The following FRAS1 variants were observed in gnomAD, a reference collection of about 807,000 sequenced individuals.
FRAS1 encodes the protein extracellular matrix organizing protein FRAS1.
A neutral mutation model predicts 435.2 loss-of-function variants in FRAS1; 290 were observed. That is an observed-to-expected ratio of 0.67 (90% CI 0.61 to 0.73). The LOEUF is 0.73. FRAS1 is among the 30% of genes least tolerant of loss of function. The probability of loss-of-function intolerance (pLI) is 0.00; values close to 1 mark genes in which losing one functional copy is unlikely to be tolerated. For missense variants in FRAS1, 4,860 were observed against 5,001.5 expected (o/e 0.97, Z 0.85); for synonymous variants, 1,800 against 1,851.0 (o/e 0.97, Z 0.71).
intron 67 of FRAS1, among the ~76,000 whole-genome samples, chr4:78,521,026 T>C (rs1007720473): frequency 4.6e-5 from 7 of 152,212 alleles, no homozygotes; most frequent in Non-Finnish European, 1.0e-4. Flanking sequence ...ATTTCCTTTA[T>C]TAAAGCCACA....
chr4:78,220,576 C>T (rs546208432), intron 2 of FRAS1, among the ~76,000 whole-genome samples: 5 of 152,228 alleles, frequency 3.3e-5, no homozygotes, highest in South Asian at 2.1e-4. Context: ...CCTGTAGTGG[C>T]GATTTTTCTG....
At chr4:78,285,531 A>C (rs1292877801) in intron 13 of FRAS1, among the ~76,000 whole-genome samples, 1 of 151,036 alleles carries the variant, frequency 6.6e-6, no homozygotes, top group Middle Eastern at 3.2e-3. Context: ...TCCCGGGTTC[A>C]AGCGATTCTC....
rs1725729514 is a variant in FRAS1, at chr4:78,255,101, C to A, written c.470-141C>A. 4 of 782,822 alleles carry A rather than the reference C, an allele frequency of 5.1e-6. No homozygotes were observed. The South Asian group carries it at 5.9e-5, about 12-fold the overall frequency. The allele number at this position is 782,822 out of a possible 1,614,324, so 48.5% of individuals were successfully genotyped here. A position where few individuals can be genotyped will look rare whatever the true frequency, so the allele number is the denominator to read the frequency against. On this transcript the variant is annotated intron_variant, in intron 5 of 73. Transcript: ENST00000512123. ...TTCAGAGATTTCAAGGTAGTGACTG[C>A]AGAGCATTGAACACCAAATGCAGGA... is the stretch of plus-strand genomic sequence containing the variant.
chr4:78,189,382 A>G (rs1722427672), intron 2 of FRAS1, among the ~76,000 whole-genome samples: 1 of 152,194 alleles, frequency 6.6e-6, no homozygotes, highest in Non-Finnish European at 1.5e-5. Flanking sequence ...ATATTCCTAT[A>G]ATGAGCTTTC....
intron 70 of FRAS1, among the ~76,000 whole-genome samples, chr4:78,533,480 G>T (rs1721786075): frequency 6.6e-6 from 1 of 152,246 alleles, no homozygotes; most frequent in Non-Finnish European, 1.5e-5. Context: ...AGAGGCCAGA[G>T]CTTTACCGGT....
At chr4:78,251,722 A>G (rs1385568576) in intron 4 of FRAS1, among the ~76,000 whole-genome samples, 1 of 152,250 alleles carries the variant, frequency 6.6e-6, no homozygotes, top group Non-Finnish European at 1.5e-5. Context: ...ATAGATCAAG[A>G]AACTGAGAGT....
At chr4:78,212,122 T>G (rs1434648200) in intron 2 of FRAS1, among the ~76,000 whole-genome samples, 1 of 152,224 alleles carries the variant, frequency 6.6e-6, no homozygotes, top group African/African-American at 2.4e-5. Context: ...CTTGGGTTGT[T>G]TCCACATTTT....
At chr4:78,186,415 A>G (rs988806338) in intron 2 of FRAS1, among the ~76,000 whole-genome samples, 12 of 152,188 alleles carry the variant, frequency 7.9e-5, no homozygotes, top group African/African-American at 2.4e-4. Flanking sequence ...TTTATCATAA[A>G]GCCTGTCACT....
At chr4:78,316,639 C>T (rs1056815037) in intron 16 of FRAS1, among the ~76,000 whole-genome samples, 7 of 152,044 alleles carry the variant, frequency 4.6e-5, no homozygotes, top group African/African-American at 1.4e-4. Flanking sequence ...AGTACCTGTC[C>T]CTTAGAGTCA....
At chr4:78,287,080 C>T (rs1232046817) in intron 14 of FRAS1, among the ~76,000 whole-genome samples, 4 of 151,906 alleles carry the variant, frequency 2.6e-5, no homozygotes, top group Non-Finnish European at 5.9e-5. Context: ...GCTGGAGAGG[C>T]CTCAGGAAAC....
At chr4:78,317,197 C>T (rs368868484) in intron 16 of FRAS1, among the ~76,000 whole-genome samples, 171 bp from the exon 17 acceptor site, 4 of 152,302 alleles carry the variant, frequency 2.6e-5, no homozygotes, top group South Asian at 2.1e-4. Flanking sequence ...GGTGGGTAAA[C>T]GGCCATGTGG....
intron 2 of FRAS1, among the ~76,000 whole-genome samples, chr4:78,223,085 T>C (rs906426480): frequency 2.0e-5 from 3 of 152,190 alleles, no homozygotes; most frequent in Non-Finnish European, 4.4e-5. Context: ...ATTTTTGTGT[T>C]GTTAGAGAAT....
chr4:78,363,205 T>A (rs1471310118), intron 20 of FRAS1, among the ~76,000 whole-genome samples: 1 of 152,140 alleles, frequency 6.6e-6, no homozygotes, highest in East Asian at 1.9e-4. Flanking sequence ...CTTCTGTTAG[T>A]CAGGAAGTTC....
At chr4:78,093,976 C>T (rs372107741) in intron 2 of FRAS1, among the ~76,000 whole-genome samples, 34 of 152,226 alleles carry the variant, frequency 2.2e-4, no homozygotes, top group African/African-American at 7.9e-4. Context: ...CCCCCCTCCC[C>T]TTCCCACTTC....
chr4:78,514,896 A>G (rs1442827293), intron 65 of FRAS1, among the ~76,000 whole-genome samples: 2 of 151,836 alleles, frequency 1.3e-5, no homozygotes, highest in African/African-American at 4.8e-5. Context: ...GTGAAACCCC[A>G]TCTCTACTAA....
At chr4:78,100,779 C>T (rs1742085843) in intron 2 of FRAS1, among the ~76,000 whole-genome samples, 1 of 152,098 alleles carries the variant, frequency 6.6e-6, no homozygotes, top group African/African-American at 2.4e-5. Flanking sequence ...ATATATATAG[C>T]TTACAAACAT....
chr4:78,298,970 A>G (rs1188375077), intron 14 of FRAS1, among the ~76,000 whole-genome samples: 1 of 152,226 alleles, frequency 6.6e-6, no homozygotes, highest in Non-Finnish European at 1.5e-5. Flanking sequence ...CTGCAGGAAC[A>G]TAGAGAAAGG....
Position 78,252,438 on chromosome 4 carries a change from A to G in FRAS1, c.356A>G (p.Asn119Ser), listed in dbSNP as rs1435806861. The change falls in exon 5 of 74, where the codon AAT becomes AGT. Residue 119 changes from asparagine (N) to serine (S), a missense_variant. Physicochemically the swap from Asn to Ser is conservative, Grantham distance 46. Transcript: ENST00000512123. ...ASSPCSVCSC[N>S]HGEVRCTPQP... ...TCTCCATGTAGTGTGTGCTCTTGCA[A>G]TCATGGGGAAGTCCGATGTACCCCC... The G allele has an allele frequency of 6.2e-7, 1 of 1,613,698 alleles. No individual in the cohort carries two copies. The highest frequency in any genetic ancestry group is 1.7e-5 in the Admixed American group (1 of 59,994).
chr4:78,185,961 C>T (rs17003032), intron 2 of FRAS1, among the ~76,000 whole-genome samples: 1,680 of 152,270 alleles, frequency 0.011, 35 homozygotes, highest in African/African-American at 0.038. Context: ...TGCTGAGTCT[C>T]GTTGCTTTCT....
Sources: allele counts gnomAD v4.1 joint callset (sites outside exome capture counted in the v4.1 genomes callset), GRCh38; gene constraint gnomAD v4.1.1; transcripts MANE v1.5; gene names NCBI Gene and HGNC (gene_info 2026-07-23, HGNC 2026-07-21).